ULK4: variants seen among roughly 807,000 people sequenced by gnomAD.
ULK4 encodes inactive serine/threonine-protein kinase ULK4.
Under a neutral mutation model 160.6 loss-of-function variants are expected in ULK4, and 133 were observed. The observed-to-expected ratio is 0.83, with a 90% CI of 0.72 to 0.96. ULK4 has a LOEUF of 0.96. ULK4 is among the 40% of genes least tolerant of loss of function. The probability of loss-of-function intolerance (pLI) is 0.00; values close to 1 mark genes in which losing one functional copy is unlikely to be tolerated. For missense variants in ULK4, 1,580 were observed against 1,499.5 expected (o/e 1.05, Z -0.89); for synonymous variants, 534 against 539.8 (o/e 0.99, Z 0.15).
intron 2 of ULK4, 32 bp from the exon 3 acceptor site, chr3:41,938,229 G>C (rs1559663157): frequency 6.4e-7 from 1 of 1,564,450 alleles, no homozygotes; most frequent in East Asian, 2.2e-5. Context: ...ACTCTAAAAA[G>C]AAATTCCTAA....
intron 17 of ULK4, among the ~76,000 whole-genome samples, chr3:41,839,923 A>AATGCTATTT (rs1360123364): frequency 6.6e-6 from 1 of 152,226 alleles, no homozygotes; most frequent in Non-Finnish European, 1.5e-5. Flanking sequence ...TAAAAAAATC[A>AATGCTATTT]AAGAACATCT....
intron 27 of ULK4, among the ~76,000 whole-genome samples, chr3:41,682,439 T>C (rs936203376): frequency 1.3e-5 from 2 of 152,216 alleles, no homozygotes; most frequent in Non-Finnish European, 2.9e-5. Flanking sequence ...ACTGTTTCAT[T>C]TGATGAACTA....
At chr3:41,489,184 CTTT>C in intron 32 of ULK4, among the ~76,000 whole-genome samples, 1 of 152,306 alleles carries the variant, frequency 6.6e-6, no homozygotes, top group Non-Finnish European at 1.5e-5. Context: ...TCCTATCCTT[CTTT>C]TACTGACGAC....
At chr3:41,523,631 A>G (rs1575353428) in intron 32 of ULK4, among the ~76,000 whole-genome samples, 1 of 152,320 alleles carries the variant, frequency 6.6e-6, no homozygotes, top group East Asian at 1.9e-4. Flanking sequence ...ACAGATAATA[A>G]GTTTAGGAGA....
At chr3:41,879,357 G>A in intron 17 of ULK4, among the ~76,000 whole-genome samples, 1 of 152,104 alleles carries the variant, frequency 6.6e-6, no homozygotes, top group Non-Finnish European at 1.5e-5. Flanking sequence ...GAAAGAGAGA[G>A]GGAGAGAAAA....
chr3:41,577,074 A>T (rs1024283068), intron 31 of ULK4, among the ~76,000 whole-genome samples: 12 of 152,244 alleles, frequency 7.9e-5, no homozygotes, highest in Non-Finnish European at 1.6e-4. Context: ...GTTGGTACTC[A>T]CAGTTTCAGT....
chr3:41,639,684 C>T (rs575510172), intron 30 of ULK4, among the ~76,000 whole-genome samples: 60 of 152,212 alleles, frequency 3.9e-4, no homozygotes, highest in African/African-American at 1.2e-3. Context: ...GCCAAGATTG[C>T]GCCACTGCAC....
At chr3:41,322,595 A>G (rs1349408579) in intron 35 of ULK4, among the ~76,000 whole-genome samples, 1 of 152,228 alleles carries the variant, frequency 6.6e-6, no homozygotes, top group Non-Finnish European at 1.5e-5. Context: ...CCAGGGATCA[A>G]GAAGCTACAT....
At chr3:41,559,405 T>G (rs909735007) in intron 32 of ULK4, among the ~76,000 whole-genome samples, 2 of 147,882 alleles carry the variant, frequency 1.4e-5, no homozygotes, top group African/African-American at 4.9e-5. Context: ...ATGGGATGGC[T>G]GGGTCAAATG....
intron 22 of ULK4, among the ~76,000 whole-genome samples, chr3:41,733,244 A>C (rs1461940877): frequency 6.6e-6 from 1 of 152,156 alleles, no homozygotes; most frequent in Non-Finnish European, 1.5e-5. Context: ...ATTATGTGTC[A>C]AGTAAAAATA....
chr3:41,467,054 T>C (rs2083854093), intron 32 of ULK4, among the ~76,000 whole-genome samples: 1 of 152,168 alleles, frequency 6.6e-6, no homozygotes, highest in African/African-American at 2.4e-5. Context: ...CACAAAATGT[T>C]AGTAATGATG....
intron 12 of ULK4, among the ~76,000 whole-genome samples, chr3:41,903,515 G>A (rs1195642430): frequency 6.6e-6 from 1 of 151,674 alleles, no homozygotes; most frequent in Non-Finnish European, 1.5e-5. Flanking sequence ...AACCCGGGAG[G>A]CAGAGGCGCA....
chr3:41,880,817 G>C (rs1176350798), intron 17 of ULK4, among the ~76,000 whole-genome samples: 1 of 152,110 alleles, frequency 6.6e-6, no homozygotes, highest in Non-Finnish European at 1.5e-5. Context: ...CAAGCTACTC[G>C]TGAAGCTGAG....
intron 32 of ULK4, among the ~76,000 whole-genome samples, chr3:41,560,346 G>T (rs905671551): frequency 1.3e-5 from 2 of 152,148 alleles, no homozygotes; most frequent in Non-Finnish European, 2.9e-5. Context: ...GGCAATGCGG[G>T]CTCTTTTTTG....
At chr3:41,824,670 G>A (rs1314394874) in intron 18 of ULK4, among the ~76,000 whole-genome samples, 3 of 152,162 alleles carry the variant, frequency 2.0e-5, no homozygotes, top group African/African-American at 4.8e-5. Context: ...CAGCCAGGAA[G>A]CTCGAACTGG....
intron 30 of ULK4, among the ~76,000 whole-genome samples, chr3:41,647,907 C>G (rs2034578568): frequency 2.0e-5 from 3 of 152,214 alleles, no homozygotes; most frequent in Non-Finnish European, 2.9e-5. Flanking sequence ...ATGGCGGGCG[C>G]CCCTCCCCCA....
intron 35 of ULK4, among the ~76,000 whole-genome samples, chr3:41,261,192 G>C (rs2078934226): frequency 7.2e-6 from 1 of 138,186 alleles, no homozygotes; most frequent in Admixed American, 7.0e-5. Context: ...TAAGTAAAAA[G>C]CCTTGGAGTA....
chr3:41,263,013 G>A (rs2078972951), intron 35 of ULK4, among the ~76,000 whole-genome samples: 1 of 152,134 alleles, frequency 6.6e-6, no homozygotes, highest in Admixed American at 6.5e-5. Context: ...TGAAATACAG[G>A]ATCAGGACTA....
chr3:41,852,159 C>G (rs2042231286), intron 17 of ULK4, among the ~76,000 whole-genome samples: 1 of 152,122 alleles, frequency 6.6e-6, no homozygotes, highest in South Asian at 2.1e-4. Flanking sequence ...AATTCCTCGA[C>G]ACATACACCC....
Sources: allele counts gnomAD v4.1 joint callset (sites outside exome capture counted in the v4.1 genomes callset), GRCh38; gene constraint gnomAD v4.1.1; transcripts MANE v1.5; gene names NCBI Gene and HGNC (gene_info 2026-07-23, HGNC 2026-07-21).